FBLN2: variants seen among roughly 807,000 people sequenced by gnomAD.
FBLN2 encodes fibulin-2.
In FBLN2, 81 loss-of-function variants were observed where a neutral mutation model predicts 123.7. The observed-to-expected ratio is 0.65, with a 90% CI of 0.55 to 0.79. The LOEUF (loss-of-function observed/expected upper bound fraction) is 0.79, where lower values mean the gene tolerates loss of function less well. FBLN2 is among the 30% of genes least tolerant of loss of function. FBLN2 has a pLI of 0.00. For missense variants in FBLN2, 1,603 were observed against 1,681.3 expected (o/e 0.95, Z 0.81); for synonymous variants, 699 against 701.4 (o/e 1.00, Z 0.05).
chr3:13,585,453 T>G (rs572394228), intron 2 of FBLN2, among the ~76,000 whole-genome samples: 1 of 152,102 alleles, frequency 6.6e-6, no homozygotes, highest in Non-Finnish European at 1.5e-5. Flanking sequence ...GGTGGTACAG[T>G]CAAGCGCTGC....
intron 2 of FBLN2, among the ~76,000 whole-genome samples, chr3:13,602,925 T>C (rs74744641): frequency 4.6e-5 from 7 of 151,446 alleles, no homozygotes; most frequent in Admixed American, 6.6e-5. Flanking sequence ...TTTTTTTTTT[T>C]CCCCAAGACG....
intron 11 of FBLN2, among the ~76,000 whole-genome samples, chr3:13,628,518 G>GC (rs1574998559): frequency 6.6e-6 from 1 of 152,228 alleles, no homozygotes; most frequent in South Asian, 2.1e-4. Flanking sequence ...CCCGCTCTGC[G>GC]CCCCCCATCA....
intron 2 of FBLN2, among the ~76,000 whole-genome samples, chr3:13,600,390 G>C (rs927524786): frequency 5.7e-4 from 87 of 152,066 alleles, no homozygotes; most frequent in Admixed American, 5.7e-3. Context: ...GGAGAGAATG[G>C]GGGGAATCCT....
chr3:13,559,544 T>G (rs1363074251), intron 1 of FBLN2, among the ~76,000 whole-genome samples: 1 of 152,058 alleles, frequency 6.6e-6, no homozygotes. Flanking sequence ...CATCTCTGAG[T>G]CAGGTGCTGT....
intron 6 of FBLN2, among the ~76,000 whole-genome samples, chr3:13,618,680 C>G (rs1001590971): frequency 6.6e-6 from 1 of 152,158 alleles, no homozygotes. Context: ...CCCCTCTCTT[C>G]TTCCTTGCCT....
chr3:13,574,458 C>T (rs1477012605), intron 2 of FBLN2, among the ~76,000 whole-genome samples: 2 of 152,240 alleles, frequency 1.3e-5, no homozygotes, highest in Admixed American at 6.5e-5. Flanking sequence ...CAGACCCCTT[C>T]TTCCCAGCCC....
At chr3:13,583,110 C>T (rs1177264764) in intron 2 of FBLN2, among the ~76,000 whole-genome samples, 1 of 152,262 alleles carries the variant, frequency 6.6e-6, no homozygotes, top group East Asian at 1.9e-4. Flanking sequence ...ACCCCTCCTT[C>T]AGCCATACTG....
chr3:13,602,314 T>G (rs1705059361), intron 2 of FBLN2, among the ~76,000 whole-genome samples: 1 of 152,230 alleles, frequency 6.6e-6, no homozygotes, highest in South Asian at 2.1e-4. Flanking sequence ...TGTCTTCTTG[T>G]TTTAATTATT....
chr3:13,610,631 G>A (rs1342895472), intron 4 of FBLN2, among the ~76,000 whole-genome samples: 3 of 152,202 alleles, frequency 2.0e-5, no homozygotes, highest in Non-Finnish European at 4.4e-5. Flanking sequence ...TGCAGCAGGA[G>A]ATCAGTTTGT....
chr3:13,589,453 A>G (rs1704603710), intron 2 of FBLN2, among the ~76,000 whole-genome samples: 1 of 152,176 alleles, frequency 6.6e-6, no homozygotes, highest in Admixed American at 6.5e-5. Flanking sequence ...TCCCAGCCAC[A>G]GCTCACTAAC....
intron 16 of FBLN2, among the ~76,000 whole-genome samples, chr3:13,635,887 G>A (rs973617055): frequency 2.0e-5 from 3 of 152,204 alleles, no homozygotes; most frequent in Admixed American, 2.0e-4. Flanking sequence ...TGCAGAGCAT[G>A]GAGCCATAGG....
intron 1 of FBLN2, among the ~76,000 whole-genome samples, chr3:13,551,270 G>C (rs540200703): frequency 6.6e-6 from 1 of 152,214 alleles, no homozygotes; most frequent in Non-Finnish European, 1.5e-5. Flanking sequence ...TTGAAGCAAT[G>C]AGTGGTGCCC....
intron 9 of FBLN2, among the ~76,000 whole-genome samples, chr3:13,624,328 G>A (rs977975401): frequency 2.6e-5 from 4 of 151,956 alleles, no homozygotes; most frequent in African/African-American, 9.7e-5. Context: ...TCCGCTCATG[G>A]TGCTGCTGTT....
chr3:13,600,616 CT>C (rs35007080), intron 2 of FBLN2, among the ~76,000 whole-genome samples: 16,253 of 137,674 alleles, frequency 0.12, 991 homozygotes, highest in East Asian at 0.34. Context: ...ATTTTGTACA[CT>C]TTTTTTTTTT....
At chr3:13,563,387 C>T (rs968685068) in intron 1 of FBLN2, among the ~76,000 whole-genome samples, 2 of 152,240 alleles carry the variant, frequency 1.3e-5, no homozygotes, top group Admixed American at 1.3e-4. Context: ...GTCACTTCCC[C>T]GTGAAGTGCC....
rs138619230 is a variant in FBLN2 at position 13,583,984 on chromosome 3, G to T, written c.1306+12323G>T. Among the ~76,000 whole-genome samples, 118 of 152,328 alleles carry T rather than the reference G, an allele frequency of 7.7e-4. 1 individual carries two copies. The highest frequency in any genetic ancestry group is 1.6e-3 in the Admixed American group (25 of 15,304). ...ACTGTGGCCAGCTGGCCTTTAGAAT[G>T]CATGCAATGGAGAAGCAGCACTAGA... On this transcript the variant is annotated intron_variant, in intron 2 of 17. Transcript: ENST00000404922.
chr3:13,612,209 C>G (rs985123695), intron 4 of FBLN2, among the ~76,000 whole-genome samples: 1 of 151,976 alleles, frequency 6.6e-6, no homozygotes, highest in Non-Finnish European at 1.5e-5. Context: ...TTTAGAATCC[C>G]CTTTTCTGTC....
chr3:13,604,346 C>T (rs916605353), intron 2 of FBLN2, among the ~76,000 whole-genome samples: 1 of 152,080 alleles, frequency 6.6e-6, no homozygotes, highest in African/African-American at 2.4e-5. Flanking sequence ...AGGTTTTCTT[C>T]TAGGGTTTTT....
intron 2 of FBLN2, among the ~76,000 whole-genome samples, chr3:13,573,701 C>G (rs1048751596): frequency 1.3e-5 from 2 of 151,976 alleles, no homozygotes; most frequent in African/African-American, 4.8e-5. Flanking sequence ...GTCAGGAGTT[C>G]GAGACCAGCC....
Sources: allele counts gnomAD v4.1 joint callset (sites outside exome capture counted in the v4.1 genomes callset), GRCh38; gene constraint gnomAD v4.1.1; transcripts MANE v1.5; gene names NCBI Gene and HGNC (gene_info 2026-07-23, HGNC 2026-07-21).